Variants in CENPC observed in about 807,000 individuals in gnomAD.
CENPC encodes CENP-C 1.
A neutral mutation model predicts 112.1 loss-of-function variants in CENPC; 63 were observed. The observed-to-expected ratio is 0.56, with a 90% CI of 0.46 to 0.69. CENPC has a LOEUF of 0.69. Ranked by LOEUF, CENPC falls within the 30% of genes least tolerant of loss-of-function variation. The pLI is 0.00. For missense variants in CENPC, 1,000 were observed against 1,103.8 expected, an observed-to-expected ratio of 0.91 and a Z score of 1.33; for synonymous variants, 333 against 367.6, an observed-to-expected ratio of 0.91 and a Z score of 1.08.
At chr4:67,482,362 T>C (rs1358275643) in intron 17 of CENPC, among the ~76,000 whole-genome samples, 3 of 152,116 alleles carry the variant, frequency 2.0e-5, no homozygotes, top group Non-Finnish European at 4.4e-5. Context: ...GAGCTAAAAG[T>C]AGATCTACCA....
chr4:67,529,093 T>C (rs1726469223), intron 5 of CENPC, among the ~76,000 whole-genome samples: 1 of 152,204 alleles, frequency 6.6e-6, no homozygotes, highest in Non-Finnish European at 1.5e-5. Context: ...CTTTCATATA[T>C]TTATTGGCCA....
At chr4:67,493,780 G>A (rs1477016251) in intron 14 of CENPC, 104 bp downstream of exon 14, 18 of 627,184 alleles carry the variant, frequency 2.9e-5, no homozygotes, top group South Asian at 2.7e-4. Context: ...AATTTGGGGG[G>A]GTGATGATTA....
chr4:67,524,534 C>T (rs577486616), intron 5 of CENPC, among the ~76,000 whole-genome samples: 1 of 152,082 alleles, frequency 6.6e-6, no homozygotes, highest in Admixed American at 6.5e-5. Context: ...TCCTATACAC[C>T]AATAACAGAC....
chr4:67,486,204 T>C (rs561386008), intron 17 of CENPC, among the ~76,000 whole-genome samples: 1 of 152,232 alleles, frequency 6.6e-6, no homozygotes, highest in South Asian at 2.1e-4. Context: ...CATACAAAAA[T>C]AGAATGATGA....
intron 5 of CENPC, among the ~76,000 whole-genome samples, chr4:67,520,219 TG>T (rs1175040037): frequency 6.6e-6 from 1 of 152,100 alleles, no homozygotes; most frequent in Non-Finnish European, 1.5e-5. Context: ...CCTTACTACC[TG>T]CATTGGCAAA....
chr4:67,481,361 T>C (rs139249655), intron 17 of CENPC, among the ~76,000 whole-genome samples: 47 of 152,044 alleles, frequency 3.1e-4, no homozygotes, highest in African/African-American at 1.1e-3. Context: ...GCAATTCCCA[T>C]CAAAATACTA....
At chr4:67,514,854 G>A (rs1726012170) in intron 7 of CENPC, among the ~76,000 whole-genome samples, 167 bp from the exon 8 acceptor site, 1 of 151,288 alleles carries the variant, frequency 6.6e-6, no homozygotes, top group Admixed American at 6.6e-5. Context: ...ACATTTCTAT[G>A]TCTGTTCACC....
chr4:67,495,193 T>C lies in CENPC; in HGVS notation c.2151A>G (p.Lys717=). 6.5e-7 allele frequency: 1 copy of C among 1,532,784 alleles called. No homozygotes were observed. 94.9% of individuals were successfully genotyped at this position (1,532,784 alleles called of 1,614,324 possible). The change falls in exon 13 of 19, where the codon AAA becomes AAG. Residue 717 remains lysine, a synonymous_variant. Transcript: ENST00000273853. ...GATGGATTCTGTTCTTTGGTATCAC[T>C]TTAGATTGTTTTGAGTCATCTACAA... ...HGSSDDSKQS[K]VIPKNRIHHK...
intron 17 of CENPC, among the ~76,000 whole-genome samples, chr4:67,486,266 C>T (rs1725091187): frequency 6.6e-6 from 1 of 152,148 alleles, no homozygotes; most frequent in Non-Finnish European, 1.5e-5. Flanking sequence ...AGTCTACTAT[C>T]CTCACTCCAT....
intron 12 of CENPC, among the ~76,000 whole-genome samples, chr4:67,502,502 T>C (rs773352719): frequency 5.3e-5 from 8 of 152,056 alleles, no homozygotes; most frequent in Non-Finnish European, 8.8e-5. Context: ...GCAGATAAAT[T>C]TGACCAAAGC....
intron 13 of CENPC, 101 bp from the exon 14 acceptor site, chr4:67,494,089 G>T: frequency 1.9e-6 from 1 of 535,492 alleles, no homozygotes; most frequent in Non-Finnish European, 3.0e-6. Context: ...TTATTTTTTA[G>T]AACATGAATA....
intron 12 of CENPC, among the ~76,000 whole-genome samples, chr4:67,499,093 A>G (rs549817400): frequency 6.6e-6 from 1 of 152,334 alleles, no homozygotes; most frequent in Admixed American, 6.5e-5. Flanking sequence ...GTGCATTGCC[A>G]TGGATGTGCT....
chr4:67,528,390 C>A (rs934831030), intron 5 of CENPC, among the ~76,000 whole-genome samples: 3 of 152,150 alleles, frequency 2.0e-5, no homozygotes, highest in Non-Finnish European at 2.9e-5. Flanking sequence ...TAAGTACATT[C>A]ACAACACTGT....
intron 3 of CENPC, 88 bp downstream of exon 3, chr4:67,540,892 T>C: frequency 2.2e-6 from 2 of 914,594 alleles, no homozygotes; most frequent in Non-Finnish European, 3.5e-6. Flanking sequence ...CCCTAGAACA[T>C]ATTTGCTGCA....
intron 4 of CENPC, among the ~76,000 whole-genome samples, chr4:67,532,964 G>A (rs185883840): frequency 7.9e-5 from 12 of 152,248 alleles, no homozygotes; most frequent in African/African-American, 2.2e-4. Context: ...CAAATCTCCC[G>A]AGTCCTTTTA....
At chr4:67,510,178 T>C (rs1003799826) in intron 9 of CENPC, among the ~76,000 whole-genome samples, 1 of 152,160 alleles carries the variant, frequency 6.6e-6, no homozygotes, top group Non-Finnish European at 1.5e-5. Context: ...CCCAGTAACC[T>C]GTGCCTTAAT....
intron 7 of CENPC, among the ~76,000 whole-genome samples, chr4:67,515,584 GT>G (rs1726037778): frequency 6.6e-6 from 1 of 151,842 alleles, no homozygotes; most frequent in East Asian, 1.9e-4. Context: ...TTGAATGAAT[GT>G]AAAAATTACT....
chr4:67,488,168 T>TTAA (rs2109771979), intron 17 of CENPC, among the ~76,000 whole-genome samples: 1 of 151,932 alleles, frequency 6.6e-6, no homozygotes, highest in East Asian at 1.9e-4. Flanking sequence ...ACTTTTATCT[T>TTAA]GCATATTTGC....
chr4:67,523,020 G>A (rs1052275309), intron 5 of CENPC, among the ~76,000 whole-genome samples: 2 of 151,720 alleles, frequency 1.3e-5, no homozygotes, highest in Non-Finnish European at 2.9e-5. Context: ...AAAATTAAAA[G>A]GAATGAATCA....
Sources: allele counts gnomAD v4.1 joint callset (sites outside exome capture counted in the v4.1 genomes callset), GRCh38; gene constraint gnomAD v4.1.1; transcripts MANE v1.5; gene names NCBI Gene and HGNC (gene_info 2026-07-23, HGNC 2026-07-21).